MCTP2: variants seen among roughly 807,000 people sequenced by gnomAD.
The protein encoded by MCTP2 is multiple C2 and transmembrane domain containing 2.
A neutral mutation model predicts 111.6 loss-of-function variants in MCTP2; 132 were observed. The ratio of observed to expected loss-of-function variants is 1.18; its 90% CI spans 1.03 to 1.37. MCTP2 has a LOEUF of 1.37. Among genes scored for constraint, MCTP2 ranks in the 40% most tolerant of loss-of-function variants. The probability of loss-of-function intolerance (pLI) is 0.00; values close to 1 mark genes in which losing one functional copy is unlikely to be tolerated. For missense variants in MCTP2, 1,183 were observed against 1,067.9 expected, an observed-to-expected ratio of 1.11 and a Z score of -1.50; for synonymous variants, 395 against 387.7, an observed-to-expected ratio of 1.02 and a Z score of -0.22.
At chr15:94,468,943 G>A (rs2073663629) in intron 20 of MCTP2, among the ~76,000 whole-genome samples, 1 of 152,056 alleles carries the variant, frequency 6.6e-6, no homozygotes, top group Non-Finnish European at 1.5e-5. Context: ...CTTAACCAGA[G>A]GATGAGATTA....
intron 8 of MCTP2, among the ~76,000 whole-genome samples, chr15:94,354,222 AC>A (rs1414106322): frequency 6.6e-6 from 1 of 152,044 alleles, no homozygotes. Context: ...CTGTCTCAGC[AC>A]CTGCAGAACC....
intron 11 of MCTP2, among the ~76,000 whole-genome samples, chr15:94,369,442 A>C (rs569392557): frequency 6.6e-6 from 1 of 152,190 alleles, no homozygotes; most frequent in East Asian, 1.9e-4. Context: ...GATGCCATGT[A>C]TATAAACACC....
At chr15:94,271,201 A>G (rs2152298080) in intron 1 of MCTP2, among the ~76,000 whole-genome samples, 1 of 152,326 alleles carries the variant, frequency 6.6e-6, no homozygotes, top group South Asian at 2.1e-4. Flanking sequence ...TGATGGAATT[A>G]ATAATTTACA....
intron 17 of MCTP2, 113 bp downstream of exon 17, chr15:94,402,132 A>G: frequency 7.2e-7 from 1 of 1,385,376 alleles, no homozygotes; most frequent in Non-Finnish European, 9.7e-7. Context: ...CTAAGACAGT[A>G]CTTAGGTCAA....
At chr15:94,266,836 G>A (rs2073565103) in intron 1 of MCTP2, among the ~76,000 whole-genome samples, 1 of 152,304 alleles carries the variant, frequency 6.6e-6, no homozygotes, top group Non-Finnish European at 1.5e-5. Context: ...GTAAAACTTG[G>A]TTCAGAACAA....
chr15:94,381,743 C>A (rs1051505925), intron 12 of MCTP2, among the ~76,000 whole-genome samples: 10 of 152,168 alleles, frequency 6.6e-5, no homozygotes, highest in Non-Finnish European at 1.5e-4. Context: ...GAGCATTAAG[C>A]CAAAAGTATG....
At position 94,480,372 on chromosome 15, in the gene MCTP2, G is replaced by A. The variant is rs765197180; in HGVS notation, c.*1338G>A. On this transcript the variant is annotated 3_prime_UTR_variant, in exon 23 of 23. Coordinates refer to ENST00000357742, the MANE Select transcript of MCTP2 (RefSeq NM_001385001.1). The stretch of plus-strand genomic sequence containing the variant: ...TAATTTAATAATCTTCAAACAAAAT[G>A]TTTACGAAAAATGCCAAAGATTCTA... 2 of 150,154 alleles carry A rather than the reference G, an allele frequency of 1.3e-5. No homozygotes were observed. The highest frequency in any genetic ancestry group is 1.5e-5 in the Non-Finnish European group (1 of 67,634). 9.3% of individuals were successfully genotyped at this position (150,154 alleles called of 1,614,324 possible).
intron 4 of MCTP2, among the ~76,000 whole-genome samples, chr15:94,322,144 TATTTA>T (rs1164361585): frequency 1.3e-5 from 2 of 152,246 alleles, no homozygotes; most frequent in African/African-American, 4.8e-5. Context: ...TGGAATCATG[TATTTA>T]ATTTTAAGTA....
At chr15:94,378,978 T>C (rs2079937776) in intron 12 of MCTP2, among the ~76,000 whole-genome samples, 1 of 152,194 alleles carries the variant, frequency 6.6e-6, no homozygotes, top group Non-Finnish European at 1.5e-5. Flanking sequence ...CTCATTATCA[T>C]AGGAGTCTGG....
At chr15:94,371,071 A>C (rs183158856) in intron 12 of MCTP2, among the ~76,000 whole-genome samples, 4 of 152,246 alleles carry the variant, frequency 2.6e-5, no homozygotes, top group African/African-American at 9.6e-5. Flanking sequence ...GGAAAAGAGA[A>C]CTTTAGTTTT....
At position 94,264,988 on chromosome 15, in the gene MCTP2, A is replaced by G. The variant is rs140619545; in HGVS notation, c.-65-33213A>G. On this transcript the variant is annotated intron_variant, in intron 1 of 22. Transcript: ENST00000357742. ...TTTTTTTTTCAGGGAGCACACATCTATTTCTGGAACTGAATAATTATTTTT... is the reference window on the plus strand; with the variant it reads ...TTTTTTTTTCAGGGAGCACACATCTGTTTCTGGAACTGAATAATTATTTTT... Among the ~76,000 whole-genome samples, 13 of 152,186 alleles carry G rather than the reference A, an allele frequency of 8.5e-5. No individual in the cohort carries two copies. In the East Asian group the frequency reaches 1.9e-3, roughly 23 times the overall value.
intron 17 of MCTP2, among the ~76,000 whole-genome samples, chr15:94,438,319 A>G (rs2083589994): frequency 6.6e-6 from 1 of 152,124 alleles, no homozygotes; most frequent in Admixed American, 6.5e-5. Context: ...TTTTGTTATT[A>G]CTAATATATA....
intron 1 of MCTP2, among the ~76,000 whole-genome samples, chr15:94,263,728 G>A (rs2073340608): frequency 6.6e-6 from 1 of 152,188 alleles, no homozygotes; most frequent in South Asian, 2.1e-4. Flanking sequence ...GAAACAAGAA[G>A]GCAGACATTG....
chr15:94,403,438 G>A (rs911338114), intron 17 of MCTP2, among the ~76,000 whole-genome samples: 2 of 152,158 alleles, frequency 1.3e-5, no homozygotes, highest in African/African-American at 2.4e-5. Context: ...AGAGGAAAGT[G>A]AACACAATTG....
At position 94,479,877 on chromosome 15, in the gene MCTP2, A is replaced by G. The variant is rs1211372618; in HGVS notation, c.*843A>G. 1 of 152,232 alleles carries G rather than the reference A, an allele frequency of 6.6e-6. No individual in the cohort carries two copies. Among genetic ancestry groups the G allele is most frequent in the Non-Finnish European group, 1.5e-5 (1 of 68,058 alleles). The allele number at this position is 152,232 out of a possible 1,614,324, so 9.4% of individuals were successfully genotyped here. A position where few individuals can be genotyped will look rare whatever the true frequency, so the allele number is the denominator to read the frequency against. ...AAATGAATGAATAAATTCTCTAGGTATTTAGAAAGATAAGAAACTGAAGAC... is the reference window on the plus strand; with the variant it reads ...AAATGAATGAATAAATTCTCTAGGTGTTTAGAAAGATAAGAAACTGAAGAC... On this transcript the variant is annotated 3_prime_UTR_variant, in exon 23 of 23. Coordinates refer to ENST00000357742, the MANE Select transcript of MCTP2 (RefSeq NM_001385001.1).
chr15:94,458,866 A>G (rs1299213128), intron 20 of MCTP2, among the ~76,000 whole-genome samples: 1 of 152,248 alleles, frequency 6.6e-6, no homozygotes, highest in African/African-American at 2.4e-5. Context: ...TTAATATGTA[A>G]ATGAATGGGT....
At chr15:94,294,102 A>T (rs1422920267) in intron 1 of MCTP2, among the ~76,000 whole-genome samples, 1 of 152,228 alleles carries the variant, frequency 6.6e-6, no homozygotes, top group East Asian at 1.9e-4. Flanking sequence ...GAGTGAAAGA[A>T]GCCTGTCTCT....
At chr15:94,432,462 T>A (rs944137547) in intron 17 of MCTP2, among the ~76,000 whole-genome samples, 4 of 152,176 alleles carry the variant, frequency 2.6e-5, no homozygotes, top group Admixed American at 6.5e-5. Flanking sequence ...CTTTGACCAA[T>A]GTTGGGTCAA....
intron 17 of MCTP2, among the ~76,000 whole-genome samples, chr15:94,424,535 C>T (rs1428780110): frequency 1.3e-5 from 2 of 152,074 alleles, no homozygotes; most frequent in African/African-American, 4.8e-5. Context: ...AATAACGCCT[C>T]CAGGTGCTTC....
Sources: gnomAD v4.1 joint callset for allele counts (sites outside exome capture counted in the v4.1 genomes callset) on GRCh38, gnomAD v4.1.1 for gene constraint, MANE v1.5 for transcripts, NCBI Gene and HGNC (gene_info 2026-07-23, HGNC 2026-07-21) for gene names.